The following ADGRL1 variants were observed in gnomAD, a reference collection of about 807,000 sequenced individuals.
The protein encoded by ADGRL1 is CIRL-1.
A neutral mutation model predicts 148.9 loss-of-function variants in ADGRL1; 31 were observed. The observed-to-expected ratio is 0.21, with a 90% CI of 0.16 to 0.28. The LOEUF (loss-of-function observed/expected upper bound fraction) is 0.28. Among genes scored for constraint, ADGRL1 ranks in the 10% least tolerant of loss-of-function variants. The pLI, the probability that ADGRL1 is intolerant of heterozygous loss-of-function variation, is 1.00. For missense variants in ADGRL1, 1,521 were observed against 2,058.8 expected (o/e 0.74, Z 5.05); for synonymous variants, 937 against 900.3 (o/e 1.04, Z -0.73).
At chr19:14,203,463 C>T (rs148171021) in intron 1 of ADGRL1, among the ~76,000 whole-genome samples, 176 of 152,268 alleles carry the variant, frequency 1.2e-3, no homozygotes, top group African/African-American at 3.5e-3. Context: ...CTGCCACCAG[C>T]CTGGCAGGGT....
At chr19:14,151,823 G>A (rs1968230138) in intron 22 of ADGRL1, among the ~76,000 whole-genome samples, 1 of 152,168 alleles carries the variant, frequency 6.6e-6, no homozygotes, top group Non-Finnish European at 1.5e-5. Context: ...TTGATGAAAG[G>A]TGGGGGACAA....
At chr19:14,174,606 G>A (rs1359043009) in intron 3 of ADGRL1, among the ~76,000 whole-genome samples, 23 of 150,346 alleles carry the variant, frequency 1.5e-4, no homozygotes, top group Non-Finnish European at 2.1e-4. Flanking sequence ...TGTTATCTTG[G>A]TTCACTGCAA....
At chr19:14,189,471 C>T (rs545689532) in intron 1 of ADGRL1, among the ~76,000 whole-genome samples, 1 of 152,188 alleles carries the variant, frequency 6.6e-6, no homozygotes, top group Non-Finnish European at 1.5e-5. Context: ...CTCAAGTGAT[C>T]TGCCCATCTT....
chr19:14,152,101 CAG>C lies in ADGRL1; in HGVS notation c.3667+30_3667+31del, dbSNP rs769137995. 7.5e-6 allele frequency: 12 copies of C among 1,604,220 alleles called. No individual in the cohort carries two copies. The Admixed American group carries it at 2.0e-4, about 27-fold the overall frequency. ...CCACTGTCTGTCCCTCTCCCAGCCTCAGAAACATCCCCAGGGAAGAGTCACAC... is the reference window on the plus strand; with the variant it reads ...CCACTGTCTGTCCCTCTCCCAGCCTCAAACATCCCCAGGGAAGAGTCACAC... On this transcript the variant is annotated intron_variant, in intron 22 of 22. Transcript: ENST00000361434. This position sits in a 1 kb window ranked among gnomAD's most constrained non-coding sequence, Gnocchi z 6.1.
At chr19:14,163,493 A>AGG in intron 4 of ADGRL1, 87 bp from the exon 5 acceptor site, 1 of 923,748 alleles carries the variant, frequency 1.1e-6, no homozygotes, top group Non-Finnish European at 1.5e-6. Flanking sequence ...AGAGAGAGAG[A>AGG]GAGAGGGGGG....
chr19:14,167,304 A>G lies in ADGRL1; in HGVS notation c.394+3378T>C, dbSNP rs200846908. 1.5e-4 allele frequency among the ~76,000 whole-genome samples: 23 copies of G among 151,894 alleles called. No homozygotes were observed. The East Asian group carries it at 4.5e-3, about 30-fold the overall frequency. On this transcript the variant is annotated intron_variant, in intron 4 of 22. Transcript: ENST00000361434. ...CGAGGGGGACACACACAGGAGGGAGAAGACACAGAAAGACACAGGGGTGGT... is the reference window on the plus strand; with the variant it reads ...CGAGGGGGACACACACAGGAGGGAGGAGACACAGAAAGACACAGGGGTGGT...
In ADGRL1 at chr19:14,159,474, C is replaced by T; in HGVS notation, c.1950G>A (p.Leu650=). ...VHTATMLLDV[L]EEGAFLLADN... ...CGGCCAGCAGGAAGGCGCCCTCCTC[C>T]AGGACGTCGAGGAGCATGGTGGCCG... Residue 650 remains leucine, a synonymous_variant, in exon 10 of 23, where the codon CTG becomes CTA. Coordinates refer to ENST00000361434, the MANE Select transcript of ADGRL1 (RefSeq NM_014921.5). The surrounding 1 kb of genome is among the most constrained non-coding windows in gnomAD (Gnocchi z 6.0). 6.2e-7 allele frequency: 1 copy of T among 1,613,396 alleles called. No individual in the cohort carries two copies.
chr19:14,157,211 C>T lies in ADGRL1; in HGVS notation c.2745+40G>A. 6.2e-7 allele frequency: 1 copy of T among 1,613,256 alleles called. No individual in the cohort carries two copies. The highest frequency in any genetic ancestry group is 8.5e-7 in the Non-Finnish European group (1 of 1,179,364). ...GGTGTCCCCCTTCTTCTCCCGGCCC[C>T]CAGGCGCTGGCCGTCACCTGCCCTA... On this transcript the variant is annotated intron_variant, in intron 14 of 22. Transcript: ENST00000361434. This position sits in a 1 kb window ranked among gnomAD's most constrained non-coding sequence, Gnocchi z 7.5.
At chr19:14,183,212 A>AGAGAGAGAGAGAGAGAGAGAGAGC (rs71172403) in intron 2 of ADGRL1, among the ~76,000 whole-genome samples, 1 of 151,050 alleles carries the variant, frequency 6.6e-6, no homozygotes, top group South Asian at 2.1e-4. Flanking sequence ...AGAGAGAGAG[A>AGAGAGAGAGAGAGAGAGAGAGAGC]GAGAGCGAGA....
Position 14,159,050 on chromosome 19 carries a change from G to A in ADGRL1, c.2149+40C>T. Reference sequence around the variant, plus strand: ...GGCACAGAGCTGGGGGGTGGGGGTGGGGCTGCTTCCCCACCCGAGGCCCCG... The same window carrying A: ...GGCACAGAGCTGGGGGGTGGGGGTGAGGCTGCTTCCCCACCCGAGGCCCCG... On this transcript the variant is annotated intron_variant, in intron 11 of 22. Transcript: ENST00000361434. This position sits in a 1 kb window ranked among gnomAD's most constrained non-coding sequence, Gnocchi z 6.0. 1 of 1,610,112 alleles carries A rather than the reference G, an allele frequency of 6.2e-7. No homozygotes were observed. Among genetic ancestry groups the A allele is most frequent in the Non-Finnish European group, 8.5e-7 (1 of 1,178,846 alleles).
At chr19:14,153,642 G>A (rs1035501802) in intron 18 of ADGRL1, among the ~76,000 whole-genome samples, 1 of 145,344 alleles carries the variant, frequency 6.9e-6, no homozygotes, top group African/African-American at 2.6e-5. Flanking sequence ...TGGCCAGACT[G>A]GTTGTGATTT....
chr19:14,177,693 C>A lies in ADGRL1; in HGVS notation c.122G>T (p.Cys41Phe), dbSNP rs1970917239. The A allele has an allele frequency of 6.2e-7, 1 of 1,614,064 alleles. No homozygotes were observed. Residue 41 changes from cysteine (C) to phenylalanine (F), a missense_variant, in exon 3 of 23, where the codon TGT (cysteine) becomes TTT (phenylalanine). Coordinates refer to ENST00000361434, the MANE Select transcript of ADGRL1 (RefSeq NM_014921.5). ...PFGLMRRELA[C>F]EGYPIELRCP... ...CCGCAGCTCGATGGGGTAGCCTTCA[C>A]ACGCCAGCTCCCGGCGCATCAGCCC...
chr19:14,179,263 G>C (rs757108198), intron 2 of ADGRL1, among the ~76,000 whole-genome samples: 4 of 151,988 alleles, frequency 2.6e-5, no homozygotes, highest in Admixed American at 6.6e-5. Context: ...GAGAGGCCAG[G>C]GTGGGCAGAT....
chr19:14,163,606 C>T (rs1017559446), intron 4 of ADGRL1, among the ~76,000 whole-genome samples, 200 bp from the exon 5 acceptor site: 1 of 152,022 alleles, frequency 6.6e-6, no homozygotes, highest in Non-Finnish European at 1.5e-5. Flanking sequence ...AGGGGGTTTC[C>T]GGGCTGGGAC....
intron 1 of ADGRL1, among the ~76,000 whole-genome samples, chr19:14,189,656 T>C (rs142302312): frequency 9.2e-5 from 14 of 152,348 alleles, no homozygotes; most frequent in Middle Eastern, 3.4e-3. Context: ...GGAGCACGTT[T>C]TCTTTATCCA....
At chr19:14,180,043 T>G (rs1347691241) in intron 2 of ADGRL1, among the ~76,000 whole-genome samples, 1 of 152,096 alleles carries the variant, frequency 6.6e-6, no homozygotes, top group Non-Finnish European at 1.5e-5. Flanking sequence ...CTGTAGGTGG[T>G]CTATCAGGGC....
In ADGRL1 at chr19:14,162,384, T is replaced by C. The variant is rs1375561270; in HGVS notation, c.1195+222A>G. ...CCACACAGAGCCTCAGTGTCATCTG[T>C]AAAACAGGGCAGTAAGGATCCCTGT... On this transcript the variant is annotated intron_variant, in intron 5 of 22. Coordinates refer to ENST00000361434, the MANE Select transcript of ADGRL1 (RefSeq NM_014921.5). The surrounding 1 kb of genome is among the most constrained non-coding windows in gnomAD (Gnocchi z 5.4). Among the ~76,000 whole-genome samples the C allele has an allele frequency of 6.6e-6, 1 of 152,162 alleles. No homozygotes were observed.
Position 14,162,788 on chromosome 19 carries a change from C to T in ADGRL1, c.1013G>A (p.Arg338His), listed in dbSNP as rs759652067. Residue 338 changes from arginine to histidine, a missense_variant, in exon 5 of 23, where the codon CGC (arginine) becomes CAC (histidine). This residue lies in a region of ADGRL1 where 334 missense variants were observed against 512.5 expected (regional missense o/e 0.65). Coordinates refer to ENST00000361434, the MANE Select transcript of ADGRL1 (RefSeq NM_014921.5). The surrounding 1 kb of genome is among the most constrained non-coding windows in gnomAD (Gnocchi z 5.4). ...ATTGGTGTTGAAGGCATAGTCCACG[C>T]GGTTGCCAGCCGCCTCGCTGTCATC... The part of the protein sequence containing the change: ...VDDDSEAAGN[R>H]VDYAFNTNAN... 1.6e-5 allele frequency: 26 copies of T among 1,614,054 alleles called. No individual in the cohort carries two copies. The highest frequency in any genetic ancestry group is 3.3e-5 in the South Asian group (3 of 91,092).
At chr19:14,181,094 T>C (rs1032880412) in intron 2 of ADGRL1, among the ~76,000 whole-genome samples, 10 of 152,186 alleles carry the variant, frequency 6.6e-5, no homozygotes, top group Non-Finnish European at 8.8e-5. Context: ...GCATAACATC[T>C]AGTTAGTTCC....
Sources: allele counts gnomAD v4.1 joint callset (sites outside exome capture counted in the v4.1 genomes callset), GRCh38; gene constraint gnomAD v4.1.1; regional missense constraint gnomAD v4.1.1; non-coding constraint Gnocchi (gnomAD v3.1); transcripts MANE v1.5; gene names NCBI Gene and HGNC (gene_info 2026-07-23, HGNC 2026-07-21).